The following ANXA13 variants were observed in gnomAD, a reference collection of about 807,000 sequenced individuals.
ANXA13 encodes the protein annexin XIII.
In ANXA13, 36 loss-of-function variants were observed where a neutral mutation model predicts 46.6. The ratio of observed to expected loss-of-function variants is 0.77; its 90% CI spans 0.59 to 1.02. The LOEUF (loss-of-function observed/expected upper bound fraction) is 1.02, where lower values mean the gene tolerates loss of function less well. Ranked by LOEUF, ANXA13 falls within the 50% of genes least tolerant of loss-of-function variation. The pLI is 0.00. For synonymous variants in ANXA13, 163 were observed against 152.9 expected, an observed-to-expected ratio of 1.07 and a Z score of -0.49; for missense variants, 417 against 396.5, an observed-to-expected ratio of 1.05 and a Z score of -0.44.
chr8:123,683,392 C>G (rs942775871), intron 10 of ANXA13, among the ~76,000 whole-genome samples: 20 of 150,298 alleles, frequency 1.3e-4, no homozygotes, highest in Non-Finnish European at 3.0e-4. Context: ...GGTTGGTGTC[C>G]CTCCCCCTTC....
Position 123,695,531 on chromosome 8 carries a change from G to A in ANXA13, c.442C>T (p.Leu148=). ...AGCAGAGACACCAGGATTTTTTTTA[G>A]GTTTCCACTTGTATCACCTTTGACA... is the stretch of plus-strand genomic sequence containing the variant. ...SDVKGDTSGN[L]KKILVSLLQA... Residue 148 remains leucine (L), a synonymous_variant, in exon 6 of 11, where the codon CTA becomes TTA. Coordinates refer to ENST00000419625, the MANE Select transcript of ANXA13 (RefSeq NM_004306.4). 6.2e-7 allele frequency: 1 copy of A among 1,613,796 alleles called. No individual in the cohort carries two copies. Among genetic ancestry groups the A allele is most frequent in the Non-Finnish European group, 8.5e-7 (1 of 1,179,860 alleles).
intron 2 of ANXA13, among the ~76,000 whole-genome samples, chr8:123,711,092 T>G (rs535993017): frequency 6.6e-6 from 1 of 152,256 alleles, no homozygotes; most frequent in Admixed American, 6.5e-5. Flanking sequence ...TTAGTGTGTA[T>G]CAGCAGTCTT....
chr8:123,701,202 C>T lies in ANXA13; in HGVS notation c.186+1440G>A, dbSNP rs556184075. On this transcript the variant is annotated intron_variant, in intron 3 of 10. Coordinates refer to ENST00000419625, the MANE Select transcript of ANXA13 (RefSeq NM_004306.4). ...TAAAAATTCAGCTTCAGGCCAGGCA[C>T]GGTGGCTCACACCTGTAATCCTGGC... 2.7e-5 allele frequency among the ~76,000 whole-genome samples: 4 copies of T among 148,892 alleles called. No individual in the cohort carries two copies. The South Asian group carries it at 9.5e-4, about 35-fold the overall frequency.
rs149301453 is a variant in ANXA13 at position 123,696,907 on chromosome 8, A to G, written c.358-1186T>C. Among the ~76,000 whole-genome samples the G allele has an allele frequency of 1.2e-3, 185 of 152,326 alleles. 1 individual carries two copies. The highest frequency in any genetic ancestry group is 4.3e-3 in the African/African-American group (179 of 41,568). On this transcript the variant is annotated intron_variant, in intron 4 of 10. Coordinates refer to ENST00000419625, the MANE Select transcript of ANXA13 (RefSeq NM_004306.4). ...GCTATGATCACATGAGATTAGAAAA[A>G]TATATATGAATATATTTTTTGAGAC...
chr8:123,730,475 T>C (rs554349664), intron 1 of ANXA13, among the ~76,000 whole-genome samples: 2 of 152,284 alleles, frequency 1.3e-5, no homozygotes, highest in East Asian at 3.9e-4. Flanking sequence ...AAATCACTGC[T>C]GGCCTAAGGA....
At chr8:123,682,649 C>T (rs1315225968) in intron 10 of ANXA13, among the ~76,000 whole-genome samples, 1 of 151,998 alleles carries the variant, frequency 6.6e-6, no homozygotes, top group East Asian at 1.9e-4. Context: ...TGGTGTCTGT[C>T]TCTCCCCCAG....
chr8:123,733,081 T>C (rs1375217152), intron 1 of ANXA13, among the ~76,000 whole-genome samples: 1 of 152,030 alleles, frequency 6.6e-6, no homozygotes, highest in Non-Finnish European at 1.5e-5. Context: ...AAGGATTGCT[T>C]GAACCAGGGA....
intron 2 of ANXA13, among the ~76,000 whole-genome samples, chr8:123,705,548 C>T (rs1813523414): frequency 6.6e-6 from 1 of 152,186 alleles, no homozygotes; most frequent in Non-Finnish European, 1.5e-5. Context: ...TCTAGGATCA[C>T]TGCAGTGATT....
At chr8:123,699,003 C>T (rs1448722233) in intron 3 of ANXA13, among the ~76,000 whole-genome samples, 1 of 152,138 alleles carries the variant, frequency 6.6e-6, no homozygotes, top group East Asian at 1.9e-4. Context: ...GGATGCCTTT[C>T]AGTGTGAAAG....
chr8:123,714,290 G>C (rs1212479724), intron 1 of ANXA13, among the ~76,000 whole-genome samples: 1 of 152,152 alleles, frequency 6.6e-6, no homozygotes, highest in Non-Finnish European at 1.5e-5. Context: ...ATCAGGATTG[G>C]TTCAGGAGTG....
intron 1 of ANXA13, among the ~76,000 whole-genome samples, chr8:123,725,280 G>T (rs1376739889): frequency 6.6e-6 from 1 of 152,142 alleles, no homozygotes; most frequent in African/African-American, 2.4e-5. Context: ...AATCATGAAG[G>T]TTGTACTTAA....
chr8:123,684,561 G>GA (rs1200880910), intron 10 of ANXA13, 49 bp downstream of exon 10: 2 of 1,306,294 alleles, frequency 1.5e-6, no homozygotes, highest in Admixed American at 1.7e-5. Flanking sequence ...ATCAGTGGTG[G>GA]AAAAAAGAGA....
intron 9 of ANXA13, among the ~76,000 whole-genome samples, chr8:123,686,210 C>T (rs548463109): frequency 2.4e-4 from 37 of 152,254 alleles, no homozygotes; most frequent in African/African-American, 8.4e-4. Context: ...TGGTGGCTCA[C>T]ACCTGTAATC....
intron 2 of ANXA13, among the ~76,000 whole-genome samples, chr8:123,703,633 C>T (rs568395516): frequency 7.9e-5 from 12 of 152,294 alleles, no homozygotes; most frequent in Non-Finnish European, 1.3e-4. Flanking sequence ...ATTAACCCCA[C>T]CCATACATTT....
rs77968880 is a variant in ANXA13, at chr8:123,712,357, G to A, written c.91+321C>T. On this transcript the variant is annotated intron_variant, in intron 2 of 10. Coordinates refer to ENST00000419625, the MANE Select transcript of ANXA13 (RefSeq NM_004306.4). ...TTATAAATTACCCCACCTCGGGTAT[G>A]TCTTTATTAGCAGTGTGAGAACAGA... is the stretch of plus-strand genomic sequence containing the variant. The A allele has an allele frequency of 4.7e-3, 1,525 of 322,912 alleles. 10 individuals carry two copies. The highest frequency in any genetic ancestry group is 0.03 in the African/African-American group (1,444 of 47,826). The allele number at this position is 322,912 out of a possible 1,614,324, so 20.0% of individuals were successfully genotyped here.
In ANXA13 at chr8:123,714,617, G is replaced by A. The variant is rs560799830; in HGVS notation, c.16-1864C>T. 3.9e-5 allele frequency among the ~76,000 whole-genome samples: 6 copies of A among 152,306 alleles called. No individual in the cohort carries two copies. In the East Asian group the frequency reaches 7.7e-4, roughly 20 times the overall value. ...CAAAGTGTCCTGGCTAACATCTGTG[G>A]GCTGAAGGTGAGTTGGCTTGAGGCT... On this transcript the variant is annotated intron_variant, in intron 1 of 10. Coordinates refer to ENST00000419625, the MANE Select transcript of ANXA13 (RefSeq NM_004306.4).
At chr8:123,736,176 G>C (rs920031987) in intron 1 of ANXA13, among the ~76,000 whole-genome samples, 10 of 152,192 alleles carry the variant, frequency 6.6e-5, no homozygotes, top group Admixed American at 1.3e-4. Context: ...ACATCTGAGT[G>C]CAGCTTGAAT....
At chr8:123,735,816 G>A (rs144650739) in intron 1 of ANXA13, 16 of 1,612,388 alleles carry the variant, frequency 9.9e-6, no homozygotes, top group Middle Eastern at 1.6e-4. Context: ...CACGACTGTC[G>A]AGGGTTGGGA....
At chr8:123,710,147 G>T (rs1169001298) in intron 2 of ANXA13, among the ~76,000 whole-genome samples, 1 of 152,152 alleles carries the variant, frequency 6.6e-6, no homozygotes, top group Admixed American at 6.5e-5. Flanking sequence ...CAAAAAATTT[G>T]TGGCCATATT....
Sources: allele counts gnomAD v4.1 joint callset (sites outside exome capture counted in the v4.1 genomes callset), GRCh38; gene constraint gnomAD v4.1.1; transcripts MANE v1.5; gene names NCBI Gene and HGNC (gene_info 2026-07-23, HGNC 2026-07-21).